SLC4A4: variants seen among roughly 807,000 people sequenced by gnomAD.
The protein encoded by SLC4A4 is solute carrier family 4 member 4, also known as electrogenic sodium bicarbonate cotransporter 1.
Under a neutral mutation model 111.5 loss-of-function variants are expected in SLC4A4, and 27 were observed. The observed-to-expected ratio is 0.24, with a 90% CI of 0.18 to 0.33. The LOEUF is 0.33. Ranked by LOEUF, SLC4A4 falls within the 10% of genes least tolerant of loss-of-function variation. The probability of loss-of-function intolerance (pLI) is 1.00; values close to 1 mark genes in which losing one functional copy is unlikely to be tolerated. For synonymous variants in SLC4A4, 443 were observed against 463.4 expected (o/e 0.96, Z 0.57); for missense variants, 909 against 1,315.5 (o/e 0.69, Z 4.78).
At chr4:71,322,933 C>T (rs547520074) in intron 3 of SLC4A4, among the ~76,000 whole-genome samples, 3 of 152,032 alleles carry the variant, frequency 2.0e-5, no homozygotes, top group South Asian at 2.1e-4. Flanking sequence ...TTTTGGCTTT[C>T]GTGGCTTCCC....
chr4:71,455,834 C>T (rs942564344), intron 12 of SLC4A4, among the ~76,000 whole-genome samples: 1 of 152,104 alleles, frequency 6.6e-6, no homozygotes, highest in African/African-American at 2.4e-5. Flanking sequence ...GAAGTCTGTT[C>T]AGATCTGTTT....
intron 3 of SLC4A4, among the ~76,000 whole-genome samples, chr4:71,335,717 C>T (rs1728380744): frequency 1.3e-5 from 2 of 151,874 alleles, no homozygotes; most frequent in South Asian, 4.1e-4. Context: ...CCCAGCTACT[C>T]AGGAGGCTGA....
intron 2 of SLC4A4, among the ~76,000 whole-genome samples, chr4:71,179,035 C>G (rs1447745215): frequency 2.0e-5 from 3 of 152,180 alleles, no homozygotes; most frequent in Admixed American, 2.0e-4. Context: ...CCCTGGGATG[C>G]AAGGCTGGTT....
chr4:71,335,671 A>G (rs1578862373), intron 3 of SLC4A4, among the ~76,000 whole-genome samples: 1 of 152,106 alleles, frequency 6.6e-6, no homozygotes, highest in African/African-American at 2.4e-5. Flanking sequence ...TAAAAATACA[A>G]AAAATTAGCC....
chr4:71,404,373 C>G (rs915292457), intron 7 of SLC4A4, among the ~76,000 whole-genome samples: 13 of 152,176 alleles, frequency 8.5e-5, no homozygotes, highest in Non-Finnish European at 2.9e-5. Context: ...GGGCTCTGTG[C>G]CACATTCTTA....
rs146555963 is a variant in SLC4A4, at chr4:71,305,008, A to C, written c.254-34362A>C. On this transcript the variant is annotated intron_variant, in intron 3 of 25. Transcript: ENST00000264485. ...CAAATATGCTCAGTTACTGGGCAGA[A>C]TCTTATTTGATGGGAATATCAATAC... Among the ~76,000 whole-genome samples, 135 of 152,368 alleles carry C rather than the reference A, an allele frequency of 8.9e-4. 1 individual carries two copies. Among genetic ancestry groups the C allele is most frequent in the African/African-American group, 2.9e-3 (120 of 41,586 alleles).
intron 2 of SLC4A4, among the ~76,000 whole-genome samples, chr4:71,138,585 T>A (rs1326838495): frequency 6.6e-6 from 1 of 152,220 alleles, no homozygotes; most frequent in Non-Finnish European, 1.5e-5. Flanking sequence ...CAAGCTAATT[T>A]CAAGGTTCAC....
At chr4:71,519,071 T>C (rs138547139) in intron 16 of SLC4A4, among the ~76,000 whole-genome samples, 1 of 152,188 alleles carries the variant, frequency 6.6e-6, no homozygotes, top group African/African-American at 2.4e-5. Context: ...CCTTCTTCAA[T>C]GTGTCTTTTC....
At chr4:71,508,012 C>A (rs1391775278) in intron 16 of SLC4A4, among the ~76,000 whole-genome samples, 1 of 152,016 alleles carries the variant, frequency 6.6e-6, no homozygotes, top group Non-Finnish European at 1.5e-5. Context: ...AATTAAGGCA[C>A]AAATCAGGAA....
At chr4:71,386,772 CT>C (rs952437925) in intron 6 of SLC4A4, among the ~76,000 whole-genome samples, 49 of 152,102 alleles carry the variant, frequency 3.2e-4, no homozygotes, top group African/African-American at 1.2e-3. Context: ...AGTGATATTT[CT>C]TTTTTGGAAT....
chr4:71,490,815 A>G (rs12641221), intron 15 of SLC4A4, among the ~76,000 whole-genome samples: 19,749 of 151,730 alleles, frequency 0.13, 1,521 homozygotes, highest in African/African-American at 0.22. Context: ...CTGTCACCCC[A>G]GTCTGCATGT....
intron 3 of SLC4A4, among the ~76,000 whole-genome samples, chr4:71,335,629 T>C (rs1304383535): frequency 2.6e-5 from 4 of 152,024 alleles, no homozygotes; most frequent in African/African-American, 9.7e-5. Flanking sequence ...ATCGAGACCA[T>C]CCTGACTAAC....
intron 20 of SLC4A4, among the ~76,000 whole-genome samples, chr4:71,548,366 A>G (rs999168626): frequency 6.6e-6 from 1 of 151,904 alleles, no homozygotes; most frequent in Non-Finnish European, 1.5e-5. Context: ...AGGTTTATTG[A>G]TGGGTTGGAT....
At chr4:71,210,082 A>G (rs1488736078) in intron 1 of SLC4A4, among the ~76,000 whole-genome samples, 4 of 152,110 alleles carry the variant, frequency 2.6e-5, no homozygotes, top group South Asian at 2.1e-4. Context: ...ATGATATCAC[A>G]TATTTCTGGT....
At chr4:71,306,663 A>T (rs1280753971) in intron 3 of SLC4A4, among the ~76,000 whole-genome samples, 1 of 152,228 alleles carries the variant, frequency 6.6e-6, no homozygotes, top group Non-Finnish European at 1.5e-5. Context: ...AATGGAGACT[A>T]AGCACTAAGG....
At chr4:71,516,250 C>T (rs1462899462) in intron 16 of SLC4A4, among the ~76,000 whole-genome samples, 1 of 151,532 alleles carries the variant, frequency 6.6e-6, no homozygotes, top group African/African-American at 2.4e-5. Flanking sequence ...CACCCGCCAC[C>T]ACGCCCGGCT....
intron 5 of SLC4A4, among the ~76,000 whole-genome samples, chr4:71,353,321 G>C (rs1320119867): frequency 1.3e-5 from 2 of 152,184 alleles, no homozygotes; most frequent in Non-Finnish European, 2.9e-5. Context: ...GGGGCAAGCA[G>C]TCAGAGAGCC....
At chr4:71,563,550 C>T (rs1209325882) in intron 23 of SLC4A4, among the ~76,000 whole-genome samples, 1 of 151,668 alleles carries the variant, frequency 6.6e-6, no homozygotes, top group Non-Finnish European at 1.5e-5. Flanking sequence ...AGTTGTAGAT[C>T]GATCTCTATT....
intron 25 of SLC4A4, 91 bp from the exon 26 acceptor site, chr4:71,567,697 C>T (rs1737613858): frequency 3.4e-6 from 2 of 585,988 alleles, no homozygotes; most frequent in African/African-American, 3.9e-5. Context: ...CAAAGAAGGA[C>T]ACATTTGACT....
Sources: gnomAD v4.1 joint callset for allele counts (sites outside exome capture counted in the v4.1 genomes callset) on GRCh38, gnomAD v4.1.1 for gene constraint, MANE v1.5 for transcripts, NCBI Gene and HGNC (gene_info 2026-07-23, HGNC 2026-07-21) for gene names.